Variants in CENPP observed in about 807,000 individuals in gnomAD.
The protein encoded by CENPP is centromere protein P.
Under a neutral mutation model 35.6 loss-of-function variants are expected in CENPP, and 24 were observed. The ratio of observed to expected loss-of-function variants is 0.67; its 90% CI spans 0.49 to 0.95. The LOEUF is 0.95. Among genes scored for constraint, CENPP ranks in the 40% least tolerant of loss-of-function variants. CENPP has a pLI of 0.00. For missense variants in CENPP, 332 were observed against 345.3 expected, an observed-to-expected ratio of 0.96 and a Z score of 0.31; for synonymous variants, 120 against 125.5, an observed-to-expected ratio of 0.96 and a Z score of 0.29.
At chr9:92,455,517 C>G (rs1186498106) in intron 5 of CENPP, among the ~76,000 whole-genome samples, 1 of 152,062 alleles carries the variant, frequency 6.6e-6, no homozygotes, top group Non-Finnish European at 1.5e-5. Context: ...AAAGAATGAC[C>G]TGGCCCAAAA....
rs370232744 is a variant in CENPP at position 92,337,622 on chromosome 9, A to T, written c.371A>T (p.Glu124Val). 2 of 1,566,436 alleles carry T rather than the reference A, an allele frequency of 1.3e-6. No homozygotes were observed. Among genetic ancestry groups the T allele is most frequent in the South Asian group, 2.2e-5 (2 of 89,974 alleles). ...TTTCAACTTGAATTTCAGATTCTGG[A>T]AATTCAGGTAAATTAAGAAGCATGT... The part of the protein sequence containing the change: ...VTFQLEFQIL[E>V]IQNKERLSSA... Residue 124 changes from glutamate to valine, a missense_variant, in exon 3 of 8, where the codon GAA (glutamate) becomes GTA (valine). Glu to Val is a moderately radical substitution (Grantham distance 121). Coordinates refer to ENST00000375587, the MANE Select transcript of CENPP (RefSeq NM_001012267.3).
chr9:92,480,027 GTTTTA>G (rs1483722935), intron 5 of CENPP, among the ~76,000 whole-genome samples: 2 of 152,142 alleles, frequency 1.3e-5, no homozygotes, highest in East Asian at 1.9e-4. Context: ...ACTTTTGGCT[GTTTTA>G]TTTTGAGTTT....
chr9:92,404,464 T>C, intron 5 of CENPP: 1 of 1,234,408 alleles, frequency 8.1e-7, no homozygotes, highest in Non-Finnish European at 1.0e-6. Flanking sequence ...TAACAAACAA[T>C]ATTTAAAATA....
At chr9:92,571,902 C>T (rs1382109077) in intron 5 of CENPP, among the ~76,000 whole-genome samples, 1 of 139,854 alleles carries the variant, frequency 7.2e-6, no homozygotes, top group East Asian at 2.0e-4. Context: ...AGGATTGCAA[C>T]TCCTCTTTTT....
At chr9:92,518,069 C>T (rs77407046) in intron 5 of CENPP, among the ~76,000 whole-genome samples, 17,543 of 152,176 alleles carry the variant, frequency 0.12, 1,098 homozygotes, top group Middle Eastern at 0.15. Flanking sequence ...CTCCTCTCAG[C>T]CCTTTCACGT....
intron 5 of CENPP, among the ~76,000 whole-genome samples, chr9:92,420,033 G>A (rs1009135423): frequency 5.3e-5 from 8 of 152,248 alleles, no homozygotes; most frequent in African/African-American, 1.9e-4. Flanking sequence ...AGTTATTCAG[G>A]TAGAGTCAGA....
intron 5 of CENPP, among the ~76,000 whole-genome samples, chr9:92,452,278 T>G (rs1183738769): frequency 6.6e-6 from 1 of 152,142 alleles, no homozygotes; most frequent in Non-Finnish European, 1.5e-5. Flanking sequence ...GTCCCATCAA[T>G]ACCTAATTTA....
At chr9:92,398,394 A>C (rs1391511651) in intron 5 of CENPP, among the ~76,000 whole-genome samples, 1 of 152,194 alleles carries the variant, frequency 6.6e-6, no homozygotes, top group Admixed American at 6.5e-5. Flanking sequence ...ATTAAAAAGT[A>C]TATACGCAGA....
chr9:92,352,511 A>AGTGTG (rs1564274075), intron 4 of CENPP, among the ~76,000 whole-genome samples: 62 of 31,644 alleles, frequency 2.0e-3, no homozygotes, highest in African/African-American at 0.013. Context: ...GTGTGTATAC[A>AGTGTG]TATATATATA....
At chr9:92,467,508 G>C (rs1024683723) in intron 5 of CENPP, among the ~76,000 whole-genome samples, 1 of 152,154 alleles carries the variant, frequency 6.6e-6, no homozygotes, top group East Asian at 1.9e-4. Context: ...GCCACTAAGC[G>C]TCTTCAGGAC....
intron 5 of CENPP, among the ~76,000 whole-genome samples, chr9:92,597,540 A>G (rs1163792068): frequency 1.3e-5 from 2 of 152,238 alleles, no homozygotes; most frequent in Non-Finnish European, 2.9e-5. Flanking sequence ...CTGGAATATT[A>G]CTTTCATTAT....
intron 4 of CENPP, among the ~76,000 whole-genome samples, chr9:92,359,430 T>G (rs1196916626): frequency 1.3e-5 from 2 of 152,186 alleles, no homozygotes; most frequent in Non-Finnish European, 2.9e-5. Context: ...GTAGGCCATC[T>G]CTGTGCCAGG....
At position 92,566,299 on chromosome 9, in the gene CENPP, CA is replaced by C. The variant is rs1394987794; in HGVS notation, c.565-45003del. 1.9e-3 allele frequency among the ~76,000 whole-genome samples: 194 copies of C among 99,836 alleles called. 1 individual carries two copies. The highest frequency in any genetic ancestry group is 2.6e-3 in the East Asian group (9 of 3,512). 65.5% of individuals were successfully genotyped at this position (99,836 alleles called of 152,430 possible). A position where few individuals can be genotyped will look rare whatever the true frequency, so the allele number is the denominator to read the frequency against. Reference sequence around the variant, plus strand: ...TGGGCGACAGAGTGAGTCTCCATCTCAAAAAAAAAAAACAAAAACACAAAAA... The same window carrying C: ...TGGGCGACAGAGTGAGTCTCCATCTCAAAAAAAAAAACAAAAACACAAAAA... On this transcript the variant is annotated intron_variant, in intron 5 of 7. Transcript: ENST00000375587.
chr9:92,436,509 A>G (rs970711495), intron 5 of CENPP, among the ~76,000 whole-genome samples: 7 of 152,276 alleles, frequency 4.6e-5, no homozygotes, highest in South Asian at 2.1e-4. Flanking sequence ...ATCTTCATCT[A>G]TGTTATTTTC....
chr9:92,479,500 G>A (rs1391232005), intron 5 of CENPP, among the ~76,000 whole-genome samples: 1 of 152,172 alleles, frequency 6.6e-6, no homozygotes, highest in Non-Finnish European at 1.5e-5. Flanking sequence ...TGAAACAGGA[G>A]TTCCTCCTGG....
chr9:92,612,588 A>C lies in CENPP; in HGVS notation c.710A>C (p.Asp237Ala). The C allele has an allele frequency of 6.2e-7, 1 of 1,614,132 alleles. No homozygotes were observed. The highest frequency in any genetic ancestry group is 1.1e-5 in the South Asian group (1 of 91,080). The change falls in exon 7 of 8, where the codon GAT becomes GCT. Residue 237 changes from aspartate (D) to alanine (A), a missense_variant. Asp to Ala is a moderately radical substitution (Grantham distance 126). Transcript: ENST00000375587. ...GATGGGAAGGTTTTTCCAAAGCTGGATCTTCTCACCAAAGTCCCACAGCGA... is the reference window on the plus strand; with the variant it reads ...GATGGGAAGGTTTTTCCAAAGCTGGCTCTTCTCACCAAAGTCCCACAGCGA... ...DEDGKVFPKL[D>A]LLTKVPQRAL...
At chr9:92,481,338 C>T (rs1004828163) in intron 5 of CENPP, among the ~76,000 whole-genome samples, 3 of 152,104 alleles carry the variant, frequency 2.0e-5, no homozygotes, top group Admixed American at 6.5e-5. Context: ...GGCTTGTGCT[C>T]GATTTTTCTT....
At chr9:92,505,775 G>T in intron 5 of CENPP, 1 of 1,146,776 alleles carries the variant, frequency 8.7e-7, no homozygotes, top group Non-Finnish European at 1.2e-6. Flanking sequence ...CATGTGAAAT[G>T]GCCGGTTTAT....
intron 5 of CENPP, among the ~76,000 whole-genome samples, chr9:92,401,865 C>T (rs1280120944): frequency 6.6e-6 from 1 of 152,070 alleles, no homozygotes; most frequent in East Asian, 1.9e-4. Flanking sequence ...TATGTGGTGT[C>T]CTATTCTTTC....
Sources: allele counts gnomAD v4.1 joint callset (sites outside exome capture counted in the v4.1 genomes callset), GRCh38; gene constraint gnomAD v4.1.1; transcripts MANE v1.5; gene names NCBI Gene and HGNC (gene_info 2026-07-23, HGNC 2026-07-21).